Variants in RAB11FIP4 observed in about 807,000 individuals in gnomAD.
RAB11FIP4 encodes RAB11 family interacting protein 4.
A neutral mutation model predicts 74.3 loss-of-function variants in RAB11FIP4; 23 were observed. The observed-to-expected ratio is 0.31, with a 90% CI of 0.22 to 0.44. The LOEUF is 0.44. RAB11FIP4 is among the 20% of genes least tolerant of loss of function. The probability of loss-of-function intolerance (pLI) is 1.00; values close to 1 mark genes in which losing one functional copy is unlikely to be tolerated. For missense variants in RAB11FIP4, 630 were observed against 863.9 expected (o/e 0.73, Z 3.39); for synonymous variants, 360 against 359.9 (o/e 1.00, Z 0.00).
At chr17:31,496,275 T>C (rs948914206) in intron 3 of RAB11FIP4, among the ~76,000 whole-genome samples, 10 of 152,284 alleles carry the variant, frequency 6.6e-5, no homozygotes, top group Non-Finnish European at 8.8e-5. Flanking sequence ...CTTGGCAAAG[T>C]AGAGCGACCT....
chr17:31,527,912 A>G lies in RAB11FIP4; in HGVS notation c.1345A>G (p.Lys449Glu). The G allele has an allele frequency of 6.3e-7, 1 of 1,598,188 alleles. No individual in the cohort carries two copies. Among genetic ancestry groups the G allele is most frequent in the Non-Finnish European group, 8.5e-7 (1 of 1,172,560 alleles). The change falls in exon 11 of 15, where the codon AAA (lysine) becomes GAA (glutamate). Residue 449 changes from lysine to glutamate, a missense_variant. Lys to Glu is a moderately conservative substitution (Grantham distance 56). Transcript: ENST00000621161. ...GACTCGGCTCAAGTCTCAAACAGAG[A>G]AACTGGATGAGGTGAGCAGCAGATC... ...TVTRLKSQTE[K>E]LDEERQRMSD...
chr17:31,414,016 T>A (rs2071124432), intron 1 of RAB11FIP4, among the ~76,000 whole-genome samples: 1 of 152,236 alleles, frequency 6.6e-6, no homozygotes, highest in Non-Finnish European at 1.5e-5. Flanking sequence ...TATGAAAGCC[T>A]CATTTATCCC....
intron 1 of RAB11FIP4, among the ~76,000 whole-genome samples, chr17:31,400,541 G>A (rs928601638): frequency 2.6e-5 from 4 of 152,214 alleles, no homozygotes; most frequent in Admixed American, 6.5e-5. Context: ...GTGGCTCCTC[G>A]GAGAGGCAGA....
At chr17:31,393,222 G>A (rs1387550290) in intron 1 of RAB11FIP4, among the ~76,000 whole-genome samples, 1 of 152,240 alleles carries the variant, frequency 6.6e-6, no homozygotes, top group Non-Finnish European at 1.5e-5. Context: ...GTGCCTGTGA[G>A]AGCCCAGACT....
At chr17:31,491,680 T>TG (rs1198355219) in intron 3 of RAB11FIP4, among the ~76,000 whole-genome samples, 8 of 152,056 alleles carry the variant, frequency 5.3e-5, no homozygotes, top group Admixed American at 4.6e-4. Context: ...CTCAGAGAGA[T>TG]GGGGGACCAC....
intron 3 of RAB11FIP4, among the ~76,000 whole-genome samples, chr17:31,507,019 G>C (rs906735260): frequency 6.6e-6 from 1 of 152,144 alleles, no homozygotes; most frequent in African/African-American, 2.4e-5. Context: ...GTGGCTCACA[G>C]CTGTAATCCC....
In RAB11FIP4 at chr17:31,434,083, G is replaced by T; in HGVS notation, c.297G>T (p.Thr99=). ...TGCTGTCGGTGGAGAGCGCGGGGAC[G>T]CTGCCGTGCGCGCCAGAGATCCCAG... is the stretch of plus-strand genomic sequence containing the variant. ...KDVLSVESAG[T]LPCAPEIPDC... Residue 99 remains threonine (T), a synonymous_variant, in exon 3 of 15, where the codon ACG becomes ACT. Transcript: ENST00000621161. 6.3e-7 allele frequency: 1 copy of T among 1,586,188 alleles called. No homozygotes were observed.
At position 31,531,851 on chromosome 17, in the gene RAB11FIP4, T is replaced by A. The variant is rs1337087659; in HGVS notation, c.*119T>A. On this transcript the variant is annotated 3_prime_UTR_variant, in exon 15 of 15. Coordinates refer to ENST00000621161, the MANE Select transcript of RAB11FIP4 (RefSeq NM_032932.6). ...ACTGTAAATGTCTCTCTGGCCACCA[T>A]GCGTTACGTGTACCCGTGTATATGT... The A allele has an allele frequency of 1.7e-5, 12 of 708,290 alleles. No homozygotes were observed. In the Admixed American group the frequency reaches 2.6e-4, roughly 15 times the overall value. 43.9% of individuals were successfully genotyped at this position (708,290 alleles called of 1,614,324 possible). A position where few individuals can be genotyped will look rare whatever the true frequency, so the allele number is the denominator to read the frequency against.
At position 31,528,684 on chromosome 17, in the gene RAB11FIP4, C is replaced by G; in HGVS notation, c.1559C>G (p.Pro520Arg). 1 of 1,612,808 alleles carries G rather than the reference C, an allele frequency of 6.2e-7. No homozygotes were observed. The highest frequency in any genetic ancestry group is 8.5e-7 in the Non-Finnish European group (1 of 1,179,648). Residue 520 changes from proline to arginine, a missense_variant, in exon 13 of 15, where the codon CCA becomes CGA. By Grantham distance (103) the Pro-to-Arg change is moderately radical (BLOSUM62 -2). Coordinates refer to ENST00000621161, the MANE Select transcript of RAB11FIP4 (RefSeq NM_032932.6). ...ATGTACAAGCTGGACTGCGAGCGGC[C>G]AGGCAGGGGCCGCAGTGCCTCCTCT... Reference protein sequence around the residue: ...LQMYKLDCERPGRGRSASSGL... With the variant: ...LQMYKLDCERRGRGRSASSGL...
chr17:31,403,210 A>G (rs574817940), intron 1 of RAB11FIP4, among the ~76,000 whole-genome samples: 12 of 151,544 alleles, frequency 7.9e-5, no homozygotes, highest in Non-Finnish European at 1.3e-4. Context: ...CCCTTGTGCA[A>G]TGACCAAAGT....
intron 11 of RAB11FIP4, 92 bp downstream of exon 11, chr17:31,528,015 C>G (rs2072798002): frequency 2.1e-6 from 2 of 975,200 alleles, no homozygotes; most frequent in Admixed American, 5.8e-5. Flanking sequence ...TGCCGCACCC[C>G]CTAAGAAATG....
chr17:31,399,495 T>A (rs1344073749), intron 1 of RAB11FIP4, among the ~76,000 whole-genome samples: 2 of 151,946 alleles, frequency 1.3e-5, no homozygotes, highest in Non-Finnish European at 2.9e-5. Flanking sequence ...GGCAGATTGC[T>A]TGAGGTCAGG....
intron 9 of RAB11FIP4, chr17:31,524,864 G>A (rs959840287): frequency 7.7e-5 from 47 of 611,678 alleles, no homozygotes; most frequent in African/African-American, 7.6e-4. Flanking sequence ...TGCCCTGAGC[G>A]CCCCACCTTC....
At position 31,471,106 on chromosome 17, in the gene RAB11FIP4, A is replaced by C. The variant is rs1010566732; in HGVS notation, c.336+36984A>C. ...TTGAGATAGGGTTTCACTGCCACCC[A>C]GGCTGGAGTGCAGGGGTGCGATCAT... is the stretch of plus-strand genomic sequence containing the variant. On this transcript the variant is annotated intron_variant, in intron 3 of 14. Transcript: ENST00000621161. Among the ~76,000 whole-genome samples, 134 of 151,302 alleles carry C rather than the reference A, an allele frequency of 8.9e-4. 1 individual carries two copies. The highest frequency in any genetic ancestry group is 5.9e-5 in the Non-Finnish European group (4 of 67,870).
At position 31,394,608 on chromosome 17, in the gene RAB11FIP4, A is replaced by T. The variant is rs112698988; in HGVS notation, c.159+2597A>T. Among the ~76,000 whole-genome samples, 550 of 151,968 alleles carry T rather than the reference A, an allele frequency of 3.6e-3. 2 individuals are homozygous for T. The highest frequency in any genetic ancestry group is 0.013 in the African/African-American group (524 of 41,426). The stretch of plus-strand genomic sequence containing the variant: ...AATCTAAGCCTGTTTCTTGGCCCTT[A>T]TTCCCATTTAATTTCGTCTTGTTCA... On this transcript the variant is annotated intron_variant, in intron 1 of 14. Transcript: ENST00000621161.
chr17:31,535,526 A>C lies in RAB11FIP4; in HGVS notation c.*3794A>C, dbSNP rs2072944571. On this transcript the variant is annotated 3_prime_UTR_variant, in exon 15 of 15. Transcript: ENST00000621161. ...TGGCCAGAGGTAGAGGAAACTGGTC[A>C]AAGTGGCTGTTGGGCTTGTCAAGCC... is the stretch of plus-strand genomic sequence containing the variant. The C allele has an allele frequency of 1.3e-5, 2 of 152,414 alleles. No homozygotes were observed. Among genetic ancestry groups the C allele is most frequent in the Non-Finnish European group, 2.9e-5 (2 of 68,200 alleles). The allele number at this position is 152,414 out of a possible 1,614,324, so 9.4% of individuals were successfully genotyped here.
Position 31,536,332 on chromosome 17 carries a change from T to C in RAB11FIP4, c.*4600T>C, listed in dbSNP as rs1417431998. 1 of 152,188 alleles carries C rather than the reference T, an allele frequency of 6.6e-6. No individual in the cohort carries two copies. The highest frequency in any genetic ancestry group is 2.4e-5 in the African/African-American group (1 of 41,426). The allele number at this position is 152,188 out of a possible 1,614,324, so 9.4% of individuals were successfully genotyped here. A position where few individuals can be genotyped will look rare whatever the true frequency, so the allele number is the denominator to read the frequency against. Reference sequence around the variant, plus strand: ...CAACATGGTGAAACTCTTGTCTTTATTTTTTTAAAAAAACAAAAAGTAACT... The same window carrying C: ...CAACATGGTGAAACTCTTGTCTTTACTTTTTTAAAAAAACAAAAAGTAACT... On this transcript the variant is annotated 3_prime_UTR_variant, in exon 15 of 15. Coordinates refer to ENST00000621161, the MANE Select transcript of RAB11FIP4 (RefSeq NM_032932.6).
chr17:31,403,416 A>G (rs1298208394), intron 1 of RAB11FIP4, among the ~76,000 whole-genome samples: 3 of 151,214 alleles, frequency 2.0e-5, no homozygotes, highest in African/African-American at 4.9e-5. Flanking sequence ...TCTGCCTCCC[A>G]GGTTCCAGCA....
chr17:31,506,505 G>T (rs1355630517), intron 3 of RAB11FIP4, among the ~76,000 whole-genome samples: 1 of 152,170 alleles, frequency 6.6e-6, no homozygotes, highest in Admixed American at 6.5e-5. Context: ...TCTGACTATA[G>T]CTTCGTGCCT....
Sources: allele counts gnomAD v4.1 joint callset (sites outside exome capture counted in the v4.1 genomes callset), GRCh38; gene constraint gnomAD v4.1.1; transcripts MANE v1.5; gene names NCBI Gene and HGNC (gene_info 2026-07-23, HGNC 2026-07-21).